The following ZNF618 variants were observed in gnomAD, a reference collection of about 807,000 sequenced individuals.
ZNF618 encodes zinc finger protein 618.
In ZNF618, 34 loss-of-function variants were observed where a neutral mutation model predicts 103.0. The observed-to-expected ratio is 0.33, with a 90% CI of 0.25 to 0.44. ZNF618 has a LOEUF of 0.44. Among genes scored for constraint, ZNF618 ranks in the 20% least tolerant of loss-of-function variants. The pLI, the probability that ZNF618 is intolerant of heterozygous loss-of-function variation, is 1.00. For missense variants in ZNF618, 1,059 were observed against 1,295.4 expected (o/e 0.82, Z 2.80); for synonymous variants, 551 against 542.2 (o/e 1.02, Z -0.23).
At position 114,007,344 on chromosome 9, in the gene ZNF618, A is replaced by G. The variant is rs772482932; in HGVS notation, c.551-6A>G. 4 of 1,613,388 alleles carry G rather than the reference A, an allele frequency of 2.5e-6. No homozygotes were observed. Among genetic ancestry groups the G allele is most frequent in the Admixed American group, 3.3e-5 (2 of 59,986 alleles). On this transcript the variant is annotated splice_polypyrimidine_tract_variant and splice_region_variant and intron_variant, in intron 6 of 14. Coordinates refer to ENST00000374126, the MANE Select transcript of ZNF618 (RefSeq NM_001318042.2). The stretch of plus-strand genomic sequence containing the variant: ...GTAACCAGGTGTGTGTTTTCATCCC[A>G]TGCAGACAATTTCAGGTACACATGT...
At chr9:113,881,122 A>G (rs1189359925) in intron 1 of ZNF618, among the ~76,000 whole-genome samples, 1 of 152,200 alleles carries the variant, frequency 6.6e-6, no homozygotes, top group Non-Finnish European at 1.5e-5. Context: ...CTTGCTGGAG[A>G]GGAGATCTAA....
At chr9:114,012,035 AAGAG>A (rs368708205) in intron 9 of ZNF618, among the ~76,000 whole-genome samples, 54 of 152,056 alleles carry the variant, frequency 3.6e-4, no homozygotes, top group African/African-American at 1.2e-3. Context: ...AAAAAAAAAA[AAGAG>A]AGAACTATGT....
At chr9:114,024,962 C>G (rs1479673316) in intron 10 of ZNF618, among the ~76,000 whole-genome samples, 1 of 152,150 alleles carries the variant, frequency 6.6e-6, no homozygotes, top group Non-Finnish European at 1.5e-5. Flanking sequence ...GTTTGGGCTC[C>G]ACCTCTCTCT....
intron 1 of ZNF618, among the ~76,000 whole-genome samples, chr9:113,962,321 C>T (rs1836926729): frequency 1.3e-5 from 2 of 152,170 alleles, no homozygotes; most frequent in Non-Finnish European, 1.5e-5. Flanking sequence ...CTCTTCAGTC[C>T]CTGCCACCAT....
At chr9:113,911,077 G>T (rs1480658094) in intron 1 of ZNF618, among the ~76,000 whole-genome samples, 2 of 152,108 alleles carry the variant, frequency 1.3e-5, no homozygotes, top group South Asian at 4.1e-4. Context: ...CAAGTGATCC[G>T]CCTGCCTTGG....
At chr9:114,043,962 A>ATATAAACTC (rs1845437367) in intron 13 of ZNF618, among the ~76,000 whole-genome samples, 1 of 152,166 alleles carries the variant, frequency 6.6e-6, no homozygotes, top group African/African-American at 2.4e-5. Context: ...CCTTTGTCAG[A>ATATAAACTC]TGCATAGTTT....
At position 113,917,861 on chromosome 9, in the gene ZNF618, C is replaced by G. The variant is rs60084455; in HGVS notation, c.33+41448C>G. ...GCTTCCTCAAATGTTAACTTCTATG[C>G]CCATAGTATAATGCTCAGATTATAC... On this transcript the variant is annotated intron_variant, in intron 1 of 14. Coordinates refer to ENST00000374126, the MANE Select transcript of ZNF618 (RefSeq NM_001318042.2). 2.0e-3 allele frequency among the ~76,000 whole-genome samples: 307 copies of G among 152,194 alleles called. 1 individual carries two copies. The highest frequency in any genetic ancestry group is 7.1e-3 in the African/African-American group (294 of 41,512).
At chr9:113,899,233 C>T (rs1014412779) in intron 1 of ZNF618, among the ~76,000 whole-genome samples, 2 of 151,986 alleles carry the variant, frequency 1.3e-5, no homozygotes, top group African/African-American at 2.4e-5. Flanking sequence ...TGTTGGGCTA[C>T]CAATCTCCAG....
chr9:113,977,161 C>G (rs959241545), intron 2 of ZNF618, among the ~76,000 whole-genome samples: 8 of 152,072 alleles, frequency 5.3e-5, no homozygotes, highest in Non-Finnish European at 1.2e-4. Context: ...AGTTGTAATG[C>G]CAGGACGGGG....
intron 1 of ZNF618, among the ~76,000 whole-genome samples, chr9:113,898,152 T>A (rs1830201898): frequency 6.6e-6 from 1 of 152,204 alleles, no homozygotes; most frequent in Non-Finnish European, 1.5e-5. Context: ...AGAGCTTCTC[T>A]TTCTGTTTCA....
At chr9:114,040,499 G>A (rs1237391276) in intron 13 of ZNF618, among the ~76,000 whole-genome samples, 3 of 151,714 alleles carry the variant, frequency 2.0e-5, no homozygotes, top group East Asian at 1.9e-4. Flanking sequence ...CCCCACAACC[G>A]GCCCCGGTGT....
At chr9:113,988,294 T>A in intron 2 of ZNF618, 27 bp from the exon 3 acceptor site, 1 of 1,597,736 alleles carries the variant, frequency 6.3e-7, no homozygotes, top group Non-Finnish European at 8.5e-7. Flanking sequence ...AGGAAGAAGG[T>A]ATTGAACGGA....
intron 9 of ZNF618, among the ~76,000 whole-genome samples, chr9:114,011,654 G>A (rs1842258383): frequency 1.3e-5 from 2 of 152,226 alleles, no homozygotes; most frequent in Non-Finnish European, 2.9e-5. Context: ...TGTTCTGAAG[G>A]GACTGATTGC....
intron 1 of ZNF618, among the ~76,000 whole-genome samples, chr9:113,876,839 CT>C (rs1284882779): frequency 7.2e-6 from 1 of 138,664 alleles, no homozygotes; most frequent in Admixed American, 7.4e-5. Context: ...CCCGGGAGGT[CT>C]TTCCCCCCAG....
intron 1 of ZNF618, among the ~76,000 whole-genome samples, chr9:113,921,936 G>T (rs963970111): frequency 6.6e-6 from 1 of 151,838 alleles, no homozygotes; most frequent in African/African-American, 2.4e-5. Context: ...ATACATGTTC[G>T]CTGTTGAACA....
At chr9:114,032,956 C>G (rs1844230960) in intron 12 of ZNF618, among the ~76,000 whole-genome samples, 1 of 152,152 alleles carries the variant, frequency 6.6e-6, no homozygotes, top group Admixed American at 6.5e-5. Context: ...AATGCCTCCT[C>G]TCTGTCTCCC....
At position 114,002,723 on chromosome 9, in the gene ZNF618, G is replaced by T. The variant is rs376310842; in HGVS notation, c.550+61G>T. 2.9e-5 allele frequency: 45 copies of T among 1,578,772 alleles called. No individual in the cohort carries two copies. In the Middle Eastern group the frequency reaches 5.2e-4, roughly 18 times the overall value. On this transcript the variant is annotated intron_variant, in intron 6 of 14. Coordinates refer to ENST00000374126, the MANE Select transcript of ZNF618 (RefSeq NM_001318042.2). ...GCGAGGGCTTGGGGTGGGATGAAGA[G>T]GAGCTGCTTGTCCCCTCCCCCAGAA...
chr9:114,022,171 A>G (rs1588372491), intron 10 of ZNF618, among the ~76,000 whole-genome samples: 3 of 152,064 alleles, frequency 2.0e-5, no homozygotes, highest in South Asian at 2.1e-4. Flanking sequence ...AACAACAGCC[A>G]TGTTGTTTTC....
chr9:114,033,390 AGAG>A (rs1844276040), intron 12 of ZNF618, among the ~76,000 whole-genome samples: 1 of 21,086 alleles, frequency 4.7e-5, no homozygotes, highest in Non-Finnish European at 8.9e-5. Context: ...TGTCTCAAAA[AGAG>A]AGAGAGAGAG....
Sources: allele counts gnomAD v4.1 joint callset (sites outside exome capture counted in the v4.1 genomes callset), GRCh38; gene constraint gnomAD v4.1.1; transcripts MANE v1.5; gene names NCBI Gene and HGNC (gene_info 2026-07-23, HGNC 2026-07-21).